Variants in PXDNL observed in about 807,000 individuals in gnomAD.
PXDNL encodes the protein probable oxidoreductase PXDNL.
Under a neutral mutation model 150.8 loss-of-function variants are expected in PXDNL, and 145 were observed. That is an observed-to-expected ratio of 0.96 (90% CI 0.84 to 1.10). PXDNL has a LOEUF of 1.10. PXDNL is among the 50% of genes least tolerant of loss of function. PXDNL has a pLI of 0.00. For missense variants in PXDNL, 2,087 were observed against 1,873.9 expected (o/e 1.11, Z -2.10); for synonymous variants, 757 against 725.7 (o/e 1.04, Z -0.69).
chr8:51,380,590 A>G (rs937923082), intron 17 of PXDNL, among the ~76,000 whole-genome samples: 1 of 152,096 alleles, frequency 6.6e-6, no homozygotes. Flanking sequence ...ATTCCCATTT[A>G]CTACATAGAG....
At chr8:51,376,873 A>T (rs1248147061) in intron 17 of PXDNL, among the ~76,000 whole-genome samples, 1 of 151,542 alleles carries the variant, frequency 6.6e-6, no homozygotes, top group Non-Finnish European at 1.5e-5. Flanking sequence ...CGCCCGCCAC[A>T]ATGCCCGGCT....
At chr8:51,466,615 G>A (rs1810210384) in intron 8 of PXDNL, among the ~76,000 whole-genome samples, 1 of 152,048 alleles carries the variant, frequency 6.6e-6, no homozygotes, top group Non-Finnish European at 1.5e-5. Context: ...ACAACTTACA[G>A]TCTGGGAGAA....
chr8:51,408,696 C>T lies in PXDNL; in HGVS notation c.2928G>A (p.Arg976=). 1.3e-6 allele frequency: 2 copies of T among 1,595,122 alleles called. No individual in the cohort carries two copies. Among genetic ancestry groups the T allele is most frequent in the Non-Finnish European group, 1.7e-6 (2 of 1,170,554 alleles). The change falls in exon 17 of 23, where the codon CGG becomes CGA. Residue 976 remains arginine (R), a synonymous_variant. Transcript: ENST00000356297. ...GCTCCGTGGCCATCCTGTTGTGTTC[C>T]CGGAACCACAGGGTGTGCATGGCGG... ...ALAAMHTLWF[R]EHNRMATELS... is the part of the protein sequence containing the mutation.
chr8:51,770,647 T>C (rs2037283614), intron 1 of PXDNL, among the ~76,000 whole-genome samples: 1 of 152,206 alleles, frequency 6.6e-6, no homozygotes, highest in Non-Finnish European at 1.5e-5. Context: ...CAACTACTCA[T>C]CTAATTTAAA....
intron 19 of PXDNL, among the ~76,000 whole-genome samples, chr8:51,350,639 G>C (rs1027338050): frequency 3.9e-5 from 6 of 152,164 alleles, no homozygotes; most frequent in Admixed American, 3.3e-4. Flanking sequence ...ACAGGTGTGA[G>C]CCATCGCGCC....
chr8:51,638,018 C>T lies in PXDNL; in HGVS notation c.236+16671G>A, dbSNP rs1275978260. Among the ~76,000 whole-genome samples, 3 of 152,244 alleles carry T rather than the reference C, an allele frequency of 2.0e-5. No homozygotes were observed. The East Asian group carries it at 5.8e-4, about 29-fold the overall frequency. ...GGCAGATCTGTCAGCAGAAACTCTACAAGCCAGAAGAGACTGGCGGCGAAT... is the reference window on the plus strand; with the variant it reads ...GGCAGATCTGTCAGCAGAAACTCTATAAGCCAGAAGAGACTGGCGGCGAAT... On this transcript the variant is annotated intron_variant, in intron 2 of 22. Coordinates refer to ENST00000356297, the MANE Select transcript of PXDNL (RefSeq NM_144651.5).
In PXDNL at chr8:51,809,380, C is replaced by T. The variant is rs1052858868; in HGVS notation, c.-36G>A. On this transcript the variant is annotated 5_prime_UTR_variant, in exon 1 of 23. Transcript: ENST00000356297. ...GCTGCTGGCCACGCGAAGAAGCAGC[C>T]GGAGGGAGAGCAGCAGCTGCAGCTG... The T allele has an allele frequency of 1.3e-5, 20 of 1,499,376 alleles. No homozygotes were observed. The African/African-American group carries it at 1.7e-4, about 13-fold the overall frequency. 92.9% of individuals were successfully genotyped at this position (1,499,376 alleles called of 1,614,324 possible). A position where few individuals can be genotyped will look rare whatever the true frequency, so the allele number is the denominator to read the frequency against.
At chr8:51,480,378 G>C (rs1810574171) in intron 6 of PXDNL, among the ~76,000 whole-genome samples, 3 of 152,176 alleles carry the variant, frequency 2.0e-5, no homozygotes, top group Admixed American at 2.0e-4. Context: ...GGAAGGAGGA[G>C]CAGAAGCAGG....
chr8:51,406,376 C>CT (rs1808435516), intron 17 of PXDNL, among the ~76,000 whole-genome samples: 1 of 152,204 alleles, frequency 6.6e-6, no homozygotes, highest in Admixed American at 6.5e-5. Context: ...TTCTTGGCTC[C>CT]TATGCTAGTC....
chr8:51,349,369 G>C (rs1332953777), intron 19 of PXDNL, among the ~76,000 whole-genome samples: 2 of 152,190 alleles, frequency 1.3e-5, no homozygotes, highest in African/African-American at 4.8e-5. Flanking sequence ...CAATGATCCT[G>C]CTCCAACTTC....
intron 2 of PXDNL, among the ~76,000 whole-genome samples, chr8:51,610,030 T>G (rs991325437): frequency 6.6e-6 from 1 of 151,338 alleles, no homozygotes; most frequent in Non-Finnish European, 1.5e-5. Context: ...AATACAATAA[T>G]CTTTCCATTT....
In PXDNL at chr8:51,408,344, C is replaced by T. The variant is rs1049626878; in HGVS notation, c.3280G>A (p.Glu1094Lys). The change falls in exon 17 of 23, where the codon GAA becomes AAA. Residue 1094 changes from glutamate to lysine, a missense_variant. Transcript: ENST00000356297. ...ALFSPSRIIK[E>K]GGIDPVLRGL... ...CGGAGAACCGGGTCTATCCCACCTT[C>T]CTTGATTATTCTGGACGGTGAAAAG... The T allele has an allele frequency of 6.2e-7, 1 of 1,614,014 alleles. No individual in the cohort carries two copies. Among genetic ancestry groups the T allele is most frequent in the Non-Finnish European group, 8.5e-7 (1 of 1,179,900 alleles).
intron 1 of PXDNL, among the ~76,000 whole-genome samples, chr8:51,803,456 C>A (rs1440354471): frequency 1.3e-5 from 2 of 152,180 alleles, no homozygotes; most frequent in African/African-American, 4.8e-5. Flanking sequence ...CCCTGTCCCT[C>A]TCTTCCAACT....
At position 51,409,308 on chromosome 8, in the gene PXDNL, G is replaced by A. The variant is rs1808552914; in HGVS notation, c.2316C>T (p.Gly772=). Residue 772 remains glycine, a synonymous_variant, in exon 17 of 23, where the codon GGC becomes GGT. Coordinates refer to ENST00000356297, the MANE Select transcript of PXDNL (RefSeq NM_144651.5). ...GGGGCGGCGGGAGGGGCTGGCGGGAGCCCACAGGAAGGCCGAGCCCGCGGG... is the reference window on the plus strand; with the variant it reads ...GGGGCGGCGGGAGGGGCTGGCGGGAACCCACAGGAAGGCCGAGCCCGCGGG... ...RAPRGLGLPV[G]SRQPLPPPRL... The A allele has an allele frequency of 1.4e-6, 2 of 1,423,172 alleles. No homozygotes were observed. Among genetic ancestry groups the A allele is most frequent in the African/African-American group, 1.5e-5 (1 of 66,390 alleles). 88.2% of individuals were successfully genotyped at this position (1,423,172 alleles called of 1,614,324 possible). A position where few individuals can be genotyped will look rare whatever the true frequency, so the allele number is the denominator to read the frequency against.
At chr8:51,359,450 C>A (rs1806640968) in intron 19 of PXDNL, among the ~76,000 whole-genome samples, 1 of 150,284 alleles carries the variant, frequency 6.7e-6, no homozygotes, top group Non-Finnish European at 1.5e-5. Context: ...TGGTCATGGG[C>A]AAAAAATATA....
chr8:51,491,082 G>T (rs1417430983), intron 5 of PXDNL, among the ~76,000 whole-genome samples: 2 of 151,982 alleles, frequency 1.3e-5, no homozygotes, highest in Non-Finnish European at 2.9e-5. Flanking sequence ...GACTAGACTG[G>T]CTTAGCCTCC....
chr8:51,780,617 C>T (rs1013530471), intron 1 of PXDNL, among the ~76,000 whole-genome samples: 5 of 149,198 alleles, frequency 3.4e-5, no homozygotes, highest in Admixed American at 3.3e-4. Context: ...TGAGGGAGCT[C>T]TCTGGGGCCT....
At chr8:51,621,858 G>T (rs1023118645) in intron 2 of PXDNL, among the ~76,000 whole-genome samples, 2 of 150,458 alleles carry the variant, frequency 1.3e-5, no homozygotes, top group Admixed American at 6.7e-5. Flanking sequence ...AGGATCACTT[G>T]AGCCCAAGAG....
intron 19 of PXDNL, among the ~76,000 whole-genome samples, chr8:51,356,061 G>C (rs1488835543): frequency 1.3e-5 from 2 of 152,188 alleles, no homozygotes; most frequent in Non-Finnish European, 2.9e-5. Context: ...TCTATCCCTA[G>C]GTCTGCTAAT....
Sources: allele counts gnomAD v4.1 joint callset (sites outside exome capture counted in the v4.1 genomes callset), GRCh38; gene constraint gnomAD v4.1.1; transcripts MANE v1.5; gene names NCBI Gene and HGNC (gene_info 2026-07-23, HGNC 2026-07-21).